TMEM213: variants seen among roughly 807,000 people sequenced by gnomAD.
TMEM213 encodes transmembrane protein 213.
Under a neutral mutation model 11.6 loss-of-function variants are expected in TMEM213, and 7 were observed. The observed-to-expected ratio is 0.60, with a 90% CI of 0.34 to 1.13. TMEM213 has a LOEUF of 1.13. Ranked by LOEUF, TMEM213 falls within the 50% of genes most tolerant of loss-of-function variation. TMEM213 has a pLI of 0.03. For synonymous variants in TMEM213, 60 were observed against 58.3 expected, an observed-to-expected ratio of 1.03 and a Z score of -0.13; for missense variants, 129 against 139.0, an observed-to-expected ratio of 0.93 and a Z score of 0.36.
rs1486159579 is a variant in TMEM213 at position 138,803,087 on chromosome 7, C to G, written c.*18C>G. 6.2e-7 allele frequency: 1 copy of G among 1,609,436 alleles called. No homozygotes were observed. Among genetic ancestry groups the G allele is most frequent in the Non-Finnish European group, 8.5e-7 (1 of 1,178,746 alleles). ...AAGCGTGAGACCCAGGCTCGGTGCA[C>G]AAAATGGTGATCGCCACCAATTTGT... On this transcript the variant is annotated 3_prime_UTR_variant, in exon 3 of 3. Coordinates refer to ENST00000442682, the MANE Select transcript of TMEM213 (RefSeq NM_001085429.2).
At position 138,805,285 on chromosome 7, in the gene TMEM213, C is replaced by T. The variant is rs1809076987; in HGVS notation, c.*2216C>T. On this transcript the variant is annotated 3_prime_UTR_variant, in exon 3 of 3. Coordinates refer to ENST00000442682, the MANE Select transcript of TMEM213 (RefSeq NM_001085429.2). ...TGGTGCACACTGATAGTCCCAGCTACTCAGGAGGCTGAGGGAGGCGGATCA... is the reference window on the plus strand; with the variant it reads ...TGGTGCACACTGATAGTCCCAGCTATTCAGGAGGCTGAGGGAGGCGGATCA... The T allele has an allele frequency of 6.6e-6, 1 of 150,916 alleles. No individual in the cohort carries two copies. The highest frequency in any genetic ancestry group is 1.5e-5 in the Non-Finnish European group (1 of 67,916). The allele number at this position is 150,916 out of a possible 1,614,324, so 9.3% of individuals were successfully genotyped here.
chr7:138,801,361 TCAC>T lies in TMEM213; in HGVS notation c.122_124del (p.His41del), dbSNP rs766762645. 1 of 1,611,752 alleles carries T rather than the reference TCAC, an allele frequency of 6.2e-7. No homozygotes were observed. The highest frequency in any genetic ancestry group is 1.1e-5 in the South Asian group (1 of 90,292). On this transcript the variant is annotated inframe_deletion, in exon 2 of 3. Transcript: ENST00000442682. ...GCAGCAACAGCTCAAGCTTGACCGC[TCAC>T]CACCCAGACCCTGGGACCCTGGAGC...
At chr7:138,799,578 G>T (rs1056877573) in intron 1 of TMEM213, 1 of 152,170 alleles carries the variant, frequency 6.6e-6, no homozygotes, top group Admixed American at 6.5e-5. Flanking sequence ...TCATAAGCTC[G>T]AACCTAACCC....
chr7:138,801,226 T>C (rs1808933185), intron 1 of TMEM213, 101 bp from the exon 2 acceptor site: 1 of 1,114,402 alleles, frequency 9.0e-7, no homozygotes, highest in African/African-American at 1.6e-5. Flanking sequence ...TCTATAATAC[T>C]TTCATAATAC....
Position 138,801,368 on chromosome 7 carries a change from C to G in TMEM213, c.124C>G (p.Pro42Ala). 6.2e-7 allele frequency: 1 copy of G among 1,611,646 alleles called. No individual in the cohort carries two copies. Among genetic ancestry groups the G allele is most frequent in the East Asian group, 2.2e-5 (1 of 44,810 alleles). The change falls in exon 2 of 3, where the codon CCA (proline) becomes GCA (alanine). Residue 42 changes from proline (P) to alanine (A), a missense_variant. Coordinates refer to ENST00000442682, the MANE Select transcript of TMEM213 (RefSeq NM_001085429.2). ...CAGCTCAAGCTTGACCGCTCACCAC[C>G]CAGACCCTGGGACCCTGGAGCAGTG... ...SNSSSLTAHH[P>A]DPGTLEQCLN...
At chr7:138,802,264 G>C (rs1486538821) in intron 2 of TMEM213, among the ~76,000 whole-genome samples, 1 of 151,412 alleles carries the variant, frequency 6.6e-6, no homozygotes, top group Non-Finnish European at 1.5e-5. Flanking sequence ...TAAAACGAAG[G>C]ATAGGCTGGG....
Position 138,805,836 on chromosome 7 carries a change from A to G in TMEM213, c.*2767A>G, listed in dbSNP as rs946886407. 7 of 151,554 alleles carry G rather than the reference A, an allele frequency of 4.6e-5. No individual in the cohort carries two copies. Among genetic ancestry groups the G allele is most frequent in the African/African-American group, 1.5e-4 (6 of 41,176 alleles). The allele number at this position is 151,554 out of a possible 1,614,324, so 9.4% of individuals were successfully genotyped here. A position where few individuals can be genotyped will look rare whatever the true frequency, so the allele number is the denominator to read the frequency against. On this transcript the variant is annotated 3_prime_UTR_variant, in exon 3 of 3. Transcript: ENST00000442682. ...CCGTTGTTCTTTCAACCTGAGCCGC[A>G]TGGCTCTTGTGTCTTTAAACCTTGT...
rs537981717 is a variant in TMEM213 at position 138,804,704 on chromosome 7, C to G, written c.*1635C>G. On this transcript the variant is annotated 3_prime_UTR_variant, in exon 3 of 3. Coordinates refer to ENST00000442682, the MANE Select transcript of TMEM213 (RefSeq NM_001085429.2). ...CTGCATTAGGAGCCTCCATTTTTCT[C>G]CAGATGGTTGAAATAACCAGCCTCT... 6.6e-6 allele frequency: 1 copy of G among 152,300 alleles called. No homozygotes were observed. The highest frequency in any genetic ancestry group is 2.1e-4 in the South Asian group (1 of 4,826). The allele number at this position is 152,300 out of a possible 1,614,324, so 9.4% of individuals were successfully genotyped here.
rs1029546274 is a variant in TMEM213 at position 138,806,039 on chromosome 7, T to C, written c.*2970T>C. The C allele has an allele frequency of 2.0e-5, 3 of 152,230 alleles. No individual in the cohort carries two copies. Among genetic ancestry groups the C allele is most frequent in the African/African-American group, 4.8e-5 (2 of 41,462 alleles). The allele number at this position is 152,230 out of a possible 1,614,324, so 9.4% of individuals were successfully genotyped here. On this transcript the variant is annotated 3_prime_UTR_variant, in exon 3 of 3. Coordinates refer to ENST00000442682, the MANE Select transcript of TMEM213 (RefSeq NM_001085429.2). ...CATTTTGTCAATTGCTTTTCTTTCATCTGCACAAGAGGAAGGAGAGAACGA... is the reference window on the plus strand; with the variant it reads ...CATTTTGTCAATTGCTTTTCTTTCACCTGCACAAGAGGAAGGAGAGAACGA...
At position 138,806,343 on chromosome 7, in the gene TMEM213, C is replaced by CTACAAAAAAA. The variant is rs1203606047; in HGVS notation, c.*3286_*3295dup. ...TGGGCAACATGGCGAAACCCCACCTCTACAAAAAAATACAAAAAAATTATT... is the reference window on the plus strand; with the variant it reads ...TGGGCAACATGGCGAAACCCCACCTCTACAAAAAAATACAAAAAAATACAAAAAAATTATT... On this transcript the variant is annotated 3_prime_UTR_variant, in exon 3 of 3. Transcript: ENST00000442682. 2 of 152,150 alleles carry CTACAAAAAAA rather than the reference C, an allele frequency of 1.3e-5. No individual in the cohort carries two copies. Among genetic ancestry groups the CTACAAAAAAA allele is most frequent in the Non-Finnish European group, 2.9e-5 (2 of 68,126 alleles). 9.4% of individuals were successfully genotyped at this position (152,150 alleles called of 1,614,324 possible).
At position 138,805,167 on chromosome 7, in the gene TMEM213, G is replaced by A. The variant is rs1280019259; in HGVS notation, c.*2098G>A. The A allele has an allele frequency of 6.7e-6, 1 of 150,022 alleles. No homozygotes were observed. Among genetic ancestry groups the A allele is most frequent in the African/African-American group, 2.5e-5 (1 of 40,508 alleles). The allele number at this position is 150,022 out of a possible 1,614,324, so 9.3% of individuals were successfully genotyped here. On this transcript the variant is annotated 3_prime_UTR_variant, in exon 3 of 3. Transcript: ENST00000442682. Reference sequence around the variant, plus strand: ...CGGGATGGATTTCTTGTTCCTAAGTGTTAAATGATCACATACATAAAAGAG... The same window carrying A: ...CGGGATGGATTTCTTGTTCCTAAGTATTAAATGATCACATACATAAAAGAG...
chr7:138,802,556 G>GAAA (rs11424575), intron 2 of TMEM213, among the ~76,000 whole-genome samples: 10,626 of 140,984 alleles, frequency 0.075, 1,165 homozygotes, highest in African/African-American at 0.25. Flanking sequence ...GTCTCAAAAA[G>GAAA]AAAAAAAAAA....
At position 138,798,083 on chromosome 7, in the gene TMEM213, G is replaced by T. The variant is rs754754948; in HGVS notation, c.-22G>T. On this transcript the variant is annotated 5_prime_UTR_variant, in exon 1 of 3. Transcript: ENST00000442682. ...CCGCAGGACCGGCTCACCTGCACCG[G>T]GCACTCAGCACAGCCTCCAGCATGC... The T allele has an allele frequency of 3.2e-6, 5 of 1,585,908 alleles. No homozygotes were observed. The highest frequency in any genetic ancestry group is 4.3e-6 in the Non-Finnish European group (5 of 1,166,720).
chr7:138,801,379 G>A lies in TMEM213; in HGVS notation c.135G>A (p.Gly45=). The part of the protein sequence containing the change: ...SSLTAHHPDP[G]TLEQCLNVDF... ...TGACCGCTCACCACCCAGACCCTGG[G>A]ACCCTGGAGCAGTGCCTCAGTAAGC... The change falls in exon 2 of 3, where the codon GGG becomes GGA. Residue 45 remains glycine, a synonymous_variant. Coordinates refer to ENST00000442682, the MANE Select transcript of TMEM213 (RefSeq NM_001085429.2). The A allele has an allele frequency of 6.2e-7, 1 of 1,610,798 alleles. No homozygotes were observed. The highest frequency in any genetic ancestry group is 1.7e-5 in the Admixed American group (1 of 59,620).
chr7:138,802,642 GTTC>G (rs376385824), intron 2 of TMEM213, among the ~76,000 whole-genome samples: 46 of 152,186 alleles, frequency 3.0e-4, no homozygotes, highest in African/African-American at 1.1e-3. Context: ...TTGCGTTTGA[GTTC>G]TTCTGCCATC....
intron 1 of TMEM213, among the ~76,000 whole-genome samples, chr7:138,799,935 C>T (rs1808874249): frequency 6.6e-6 from 1 of 152,092 alleles, no homozygotes; most frequent in East Asian, 1.9e-4. Context: ...TGACAACAAG[C>T]TCCCTTGAAG....
At chr7:138,802,221 C>A (rs1299077423) in intron 2 of TMEM213, among the ~76,000 whole-genome samples, 1 of 151,260 alleles carries the variant, frequency 6.6e-6, no homozygotes, top group Non-Finnish European at 1.5e-5. Flanking sequence ...ATCCTGCCCT[C>A]ATTGAATGAC....
intron 2 of TMEM213, among the ~76,000 whole-genome samples, chr7:138,802,437 G>T (rs1189820418): frequency 6.6e-6 from 1 of 151,976 alleles, no homozygotes; most frequent in African/African-American, 2.4e-5. Flanking sequence ...TGTAATCCCA[G>T]CTACTTGGGA....
Position 138,798,196 on chromosome 7 carries a change from TGAGCTTTATTCATGGCCAG to T in TMEM213, c.82+12_82+30del. On this transcript the variant is annotated intron_variant, in intron 1 of 2. Coordinates refer to ENST00000442682, the MANE Select transcript of TMEM213 (RefSeq NM_001085429.2). Reference sequence around the variant, plus strand: ...TCGGCTTGCTCGGCAGGTAGCGTTATGAGCTTTATTCATGGCCAGGCTGGGAAGGGGGAGGGAAGGAGGG... The same window carrying T: ...TCGGCTTGCTCGGCAGGTAGCGTTATGCTGGGAAGGGGGAGGGAAGGAGGG... 6.3e-7 allele frequency: 1 copy of T among 1,582,250 alleles called. No individual in the cohort carries two copies. The highest frequency in any genetic ancestry group is 8.6e-7 in the Non-Finnish European group (1 of 1,164,576).
Sources: allele counts gnomAD v4.1 joint callset (sites outside exome capture counted in the v4.1 genomes callset), GRCh38; gene constraint gnomAD v4.1.1; transcripts MANE v1.5; gene names NCBI Gene and HGNC (gene_info 2026-07-23, HGNC 2026-07-21).